Variants in METTL15 observed in about 807,000 individuals in gnomAD.
The protein encoded by METTL15 is methyltransferase 15, mitochondrial 12S rRNA N4-cytidine, also known as 12S rRNA N(4)-cytidine methyltransferase METTL15.
Under a neutral mutation model 38.3 loss-of-function variants are expected in METTL15, and 34 were observed. That is an observed-to-expected ratio of 0.89 (90% CI 0.68 to 1.18). The LOEUF is 1.18. METTL15 is among the 50% of genes most tolerant of loss of function. The pLI, the probability that METTL15 is intolerant of heterozygous loss-of-function variation, is 0.00. For synonymous variants in METTL15, 162 were observed against 170.9 expected (o/e 0.95, Z 0.41); for missense variants, 438 against 498.4 (o/e 0.88, Z 1.15).
intron 5 of METTL15, among the ~76,000 whole-genome samples, chr11:28,376,365 T>A (rs928595073): frequency 6.6e-6 from 1 of 152,130 alleles, no homozygotes; most frequent in African/African-American, 2.4e-5. Context: ...TGGGTGCATA[T>A]ATATTTAGGA....
chr11:28,422,227 T>C (rs1331561003), intron 5 of METTL15, among the ~76,000 whole-genome samples: 1 of 151,994 alleles, frequency 6.6e-6, no homozygotes, highest in Non-Finnish European at 1.5e-5. Context: ...GTTTATGGAT[T>C]GGAAGAATCA....
At chr11:28,259,827 A>G (rs1372395125) in intron 4 of METTL15, among the ~76,000 whole-genome samples, 1 of 152,170 alleles carries the variant, frequency 6.6e-6, no homozygotes, top group East Asian at 1.9e-4. Flanking sequence ...TTTGGTTCTT[A>G]TGCAGGTGCT....
intron 6 of METTL15, among the ~76,000 whole-genome samples, chr11:28,507,978 C>G (rs1851643633): frequency 6.6e-6 from 1 of 152,188 alleles, no homozygotes; most frequent in Admixed American, 6.5e-5. Context: ...AGTGGTTTCC[C>G]AGCCCATTAT....
At chr11:28,378,318 G>A (rs1039972012) in intron 5 of METTL15, among the ~76,000 whole-genome samples, 1 of 152,216 alleles carries the variant, frequency 6.6e-6, no homozygotes, top group Non-Finnish European at 1.5e-5. Flanking sequence ...ACTCCGTGGG[G>A]TAGGACCCTC....
At chr11:28,125,793 A>G (rs1362550258) in intron 3 of METTL15, 1 of 152,094 alleles carries the variant, frequency 6.6e-6, no homozygotes, top group African/African-American at 2.4e-5. Context: ...AATCTTCTAA[A>G]ATCTTATTTT....
intron 6 of METTL15, among the ~76,000 whole-genome samples, chr11:28,324,477 A>G (rs1387342832): frequency 6.6e-6 from 1 of 152,164 alleles, no homozygotes; most frequent in Non-Finnish European, 1.5e-5. Flanking sequence ...GCATGTACAA[A>G]TAATTGATTA....
intron 3 of METTL15, among the ~76,000 whole-genome samples, chr11:28,136,844 T>C (rs1007615116): frequency 6.6e-6 from 1 of 151,894 alleles, no homozygotes; most frequent in African/African-American, 2.4e-5. Context: ...TTCAAAAGCA[T>C]GTGATATTAT....
intron 4 of METTL15, among the ~76,000 whole-genome samples, chr11:28,227,411 G>A (rs1473105985): frequency 6.6e-6 from 1 of 151,802 alleles, no homozygotes; most frequent in Admixed American, 6.6e-5. Flanking sequence ...GAACATCTAG[G>A]AAGACTTCCA....
chr11:28,120,048 T>C (rs1852150416), intron 3 of METTL15, among the ~76,000 whole-genome samples: 1 of 152,002 alleles, frequency 6.6e-6, no homozygotes. Flanking sequence ...GCCTCTTGAG[T>C]TCACACCATT....
At chr11:28,453,105 T>C (rs567017816) in intron 6 of METTL15, among the ~76,000 whole-genome samples, 130 of 152,302 alleles carry the variant, frequency 8.5e-4, no homozygotes, top group Middle Eastern at 3.4e-3. Context: ...TGAGATGCTT[T>C]TTCTTTTTAA....
chr11:28,392,427 A>T (rs998164293), intron 5 of METTL15, among the ~76,000 whole-genome samples: 1 of 151,982 alleles, frequency 6.6e-6, no homozygotes, highest in Non-Finnish European at 1.5e-5. Flanking sequence ...CCAGAAATAG[A>T]CCCTTTGGTA....
intron 4 of METTL15, among the ~76,000 whole-genome samples, chr11:28,221,611 TGGA>T (rs1853226345): frequency 1.3e-5 from 2 of 152,204 alleles, no homozygotes. Flanking sequence ...TGTGTTCCCT[TGGA>T]GGAGGAGAGG....
intron 4 of METTL15, among the ~76,000 whole-genome samples, chr11:28,266,239 G>T (rs1001085373): frequency 1.2e-4 from 18 of 152,146 alleles, no homozygotes; most frequent in African/African-American, 3.9e-4. Context: ...AAATCATGCT[G>T]CTATAAAGAC....
chr11:28,529,785 T>C (rs1351943019), downstream of METTL15, among the ~76,000 whole-genome samples: 1 of 152,132 alleles, frequency 6.6e-6, no homozygotes, highest in Non-Finnish European at 1.5e-5. Flanking sequence ...ATGAGTGCCC[T>C]CTGGTGGACA....
At chr11:28,523,885 G>A (rs1156559286) in intron 6 of METTL15, among the ~76,000 whole-genome samples, 1 of 152,230 alleles carries the variant, frequency 6.6e-6, no homozygotes, top group Non-Finnish European at 1.5e-5. Context: ...ATATGACAAT[G>A]TCTGGAGATA....
At chr11:28,408,560 G>A (rs1850696736) in intron 5 of METTL15, among the ~76,000 whole-genome samples, 1 of 151,754 alleles carries the variant, frequency 6.6e-6, no homozygotes, top group Admixed American at 6.6e-5. Context: ...AATAATAATT[G>A]GAAAAGACAT....
chr11:28,121,387 C>T (rs1347560933), intron 3 of METTL15, among the ~76,000 whole-genome samples: 2 of 151,998 alleles, frequency 1.3e-5, no homozygotes, highest in East Asian at 3.9e-4. Flanking sequence ...GCACTGGGAC[C>T]TGAGGAGAGT....
intron 3 of METTL15, among the ~76,000 whole-genome samples, chr11:28,209,482 A>C (rs1852528484): frequency 6.6e-6 from 1 of 152,102 alleles, no homozygotes; most frequent in Non-Finnish European, 1.5e-5. Context: ...GATATTGTTT[A>C]AAATGGTAAA....
At chr11:28,363,989 G>A (rs1407164964) in intron 5 of METTL15, among the ~76,000 whole-genome samples, 1 of 152,088 alleles carries the variant, frequency 6.6e-6, no homozygotes, top group Non-Finnish European at 1.5e-5. Context: ...TCCAATGGCT[G>A]TAGGTCTGTG....
Sources: allele counts gnomAD v4.1 joint callset (sites outside exome capture counted in the v4.1 genomes callset), GRCh38; gene constraint gnomAD v4.1.1; transcripts MANE v1.5; gene names NCBI Gene and HGNC (gene_info 2026-07-23, HGNC 2026-07-21).